Variants in HECTD4 observed in about 807,000 individuals in gnomAD.
HECTD4 encodes probable E3 ubiquitin-protein ligase HECTD4.
HECTD4 carries 114 observed loss-of-function variants against 471.5 expected under a neutral mutation model. The observed-to-expected ratio is 0.24, with a 90% confidence interval of 0.21 to 0.28. HECTD4 has a LOEUF of 0.28. Ranked by LOEUF, HECTD4 falls within the 10% of genes least tolerant of loss-of-function variation. The pLI is 1.00. For missense variants in HECTD4, 3,866 were observed against 5,651.5 expected (o/e 0.68, Z 10.13); for synonymous variants, 2,012 against 2,256.0 (o/e 0.89, Z 3.07).
At chr12:112,380,718 G>A (rs190158394) in intron 1 of HECTD4, among the ~76,000 whole-genome samples, 1 of 152,062 alleles carries the variant, frequency 6.6e-6, no homozygotes, top group Non-Finnish European at 1.5e-5. Context: ...AGTTCATAAC[G>A]GAAGTGCTGA....
At chr12:112,287,764 GAA>G in intron 7 of HECTD4, among the ~76,000 whole-genome samples, 1 of 151,732 alleles carries the variant, frequency 6.6e-6, no homozygotes, top group Non-Finnish European at 1.5e-5. Flanking sequence ...CTAAAAAAAA[GAA>G]AAAAAGAGTT....
At position 112,256,404 on chromosome 12, in the gene HECTD4, A is replaced by G. The variant is rs930841629; in HGVS notation, c.3243T>C (p.Phe1081=). 12 of 1,613,158 alleles carry G rather than the reference A, an allele frequency of 7.4e-6. No homozygotes were observed. The highest frequency in any genetic ancestry group is 9.3e-6 in the Non-Finnish European group (11 of 1,179,584). The change falls in exon 21 of 76, where the codon TTT becomes TTC. Residue 1081 remains phenylalanine (F), a synonymous_variant. Coordinates refer to ENST00000682272, the MANE Select transcript of HECTD4 (RefSeq NM_001388303.1). ...TVHPVRDNYK[F]KETVHIPGAR... Reference sequence around the variant, plus strand: ...CTCCTGGGATATGGACCGTTTCTTTAAATTTATAGTTGTCTCTGACGGGGT... The same window carrying G: ...CTCCTGGGATATGGACCGTTTCTTTGAATTTATAGTTGTCTCTGACGGGGT...
intron 32 of HECTD4, among the ~76,000 whole-genome samples, chr12:112,242,866 G>A (rs1459400595): frequency 2.6e-5 from 4 of 152,128 alleles, no homozygotes; most frequent in East Asian, 1.9e-4. Flanking sequence ...AGCCAAGATC[G>A]TGCTGCTGCA....
In HECTD4 at chr12:112,247,518, T is replaced by C. The variant is rs947787890; in HGVS notation, c.4281A>G (p.Ser1427=). 6.5e-7 allele frequency: 1 copy of C among 1,539,208 alleles called. No homozygotes were observed. The highest frequency in any genetic ancestry group is 8.8e-7 in the Non-Finnish European group (1 of 1,139,674). ...NKMKELELLC[S]MKEVSFDGND... ...TCCCATCAAAGGAGACTTCCTTCATTGAACATAAAAGTTCTAGTTCTTTCA... is the reference window on the plus strand; with the variant it reads ...TCCCATCAAAGGAGACTTCCTTCATCGAACATAAAAGTTCTAGTTCTTTCA... Residue 1427 remains serine, a synonymous_variant, in exon 28 of 76, where the codon TCA becomes TCG. Transcript: ENST00000682272.
Position 112,212,534 on chromosome 12 carries a change from C to T in HECTD4, c.7582G>A (p.Glu2528Lys). 2 of 1,613,870 alleles carry T rather than the reference C, an allele frequency of 1.2e-6. No individual in the cohort carries two copies. The highest frequency in any genetic ancestry group is 1.7e-6 in the Non-Finnish European group (2 of 1,179,790). ...GGCCACATGCCACCAGAGACGTCTT[C>T]AAGATATGGTGAGAGGCGCTGCCCG... Reference protein sequence around the residue: ...YCGQRLSPYLEDVSGGMWPVV... With the variant: ...YCGQRLSPYLKDVSGGMWPVV... The change falls in exon 49 of 76, where the codon GAA becomes AAA. Residue 2528 changes from glutamate (E) to lysine (K), a missense_variant. Glu to Lys is a moderately conservative substitution (Grantham distance 56). This residue lies in a region of HECTD4 where 617 missense variants were observed against 915.1 expected (regional missense o/e 0.67). Transcript: ENST00000682272.
intron 7 of HECTD4, among the ~76,000 whole-genome samples, chr12:112,291,914 G>A (rs2034896920): frequency 1.3e-5 from 2 of 152,082 alleles, no homozygotes; most frequent in African/African-American, 2.4e-5. Context: ...CAATTGGTTT[G>A]TTTGATTCAG....
At position 112,247,001 on chromosome 12, in the gene HECTD4, C is replaced by G; in HGVS notation, c.4413G>C (p.Val1471=). The G allele has an allele frequency of 6.2e-7, 1 of 1,611,856 alleles. No individual in the cohort carries two copies. Among genetic ancestry groups the G allele is most frequent in the Non-Finnish European group, 8.5e-7 (1 of 1,179,708 alleles). The change falls in exon 29 of 76, where the codon GTG becomes GTC. Residue 1471 remains valine, a synonymous_variant. Transcript: ENST00000682272. ...SHPLAKTKTL[V]KSLMNRAELL... is the part of the protein sequence containing the mutation. ...GCTCGGCTCGGTTCATTAAACTCTT[C>G]ACTAACGTCTTTGTTTTAGCCAGTG...
At chr12:112,178,827 C>A in intron 64 of HECTD4, 104 bp downstream of exon 64, 1 of 1,312,162 alleles carries the variant, frequency 7.6e-7, no homozygotes, top group Non-Finnish European at 1.0e-6. Context: ...AAAGGCCTGA[C>A]ACCAGGCTCC....
In HECTD4 at chr12:112,163,456, G is replaced by A. The variant is rs939560243; in HGVS notation, c.12897+86C>T. ...GACAGAGCTGAGACAGGCCACTGCC[G>A]ATGCCTGCTGCTGGAGTTGAGGGTG... On this transcript the variant is annotated intron_variant, in intron 74 of 75. Coordinates refer to ENST00000682272, the MANE Select transcript of HECTD4 (RefSeq NM_001388303.1). This position sits in a 1 kb window ranked among gnomAD's most constrained non-coding sequence, Gnocchi z 8.2. 8 of 1,226,282 alleles carry A rather than the reference G, an allele frequency of 6.5e-6. No individual in the cohort carries two copies. The highest frequency in any genetic ancestry group is 5.2e-5 in the East Asian group (2 of 38,324). The allele number at this position is 1,226,282 out of a possible 1,614,324, so 76.0% of individuals were successfully genotyped here.
At chr12:112,197,225 G>C (rs2032273935) in intron 55 of HECTD4, among the ~76,000 whole-genome samples, 2 of 152,084 alleles carry the variant, frequency 1.3e-5, no homozygotes, top group Admixed American at 1.3e-4. Context: ...AGCTTGTTTT[G>C]GGTCTGACCT....
At chr12:112,281,345 T>C (rs533630489) in intron 8 of HECTD4, among the ~76,000 whole-genome samples, 125 of 152,170 alleles carry the variant, frequency 8.2e-4, no homozygotes, top group Non-Finnish European at 7.3e-4. Flanking sequence ...CTAGTATATG[T>C]GCTGCCAAAG....
chr12:112,244,263 A>G (rs1458217290), intron 29 of HECTD4, among the ~76,000 whole-genome samples: 1 of 152,256 alleles, frequency 6.6e-6, no homozygotes, highest in Non-Finnish European at 1.5e-5. Flanking sequence ...TGAAAAATTC[A>G]TTGAATTTCA....
chr12:112,307,118 A>T (rs1784515767), intron 6 of HECTD4, among the ~76,000 whole-genome samples: 1 of 152,234 alleles, frequency 6.6e-6, no homozygotes, highest in Non-Finnish European at 1.5e-5. Context: ...AAAAATAATT[A>T]GAGAAAGTCA....
In HECTD4 at chr12:112,173,927, T is replaced by C. The variant is rs375723720; in HGVS notation, c.11595-1066A>G. Among the ~76,000 whole-genome samples the C allele has an allele frequency of 9.2e-5, 14 of 151,930 alleles. No individual in the cohort carries two copies. Among genetic ancestry groups the C allele is most frequent in the East Asian group, 3.9e-4 (2 of 5,192 alleles). The stretch of plus-strand genomic sequence containing the variant: ...CAAGCAGTAAAGCATTTCTCAATTC[T>C]GAAAATGGATTTTTAAAAAAAGCAT... On this transcript the variant is annotated intron_variant, in intron 66 of 75. Transcript: ENST00000682272. The surrounding 1 kb of genome is among the most constrained non-coding windows in gnomAD (Gnocchi z 4.3).
rs2031799880 is a variant in HECTD4, at chr12:112,184,793, G to A, written c.10173C>T (p.Gly3391=). ...CCAGCAAGCGGCTGTGGGCGGTGGG[G>A]CCCACCAGGGCCTGGCAGGCATCGG... is the stretch of plus-strand genomic sequence containing the variant. The part of the protein sequence containing the change: ...AIADACQALV[G]PTAHSRLLVI... Residue 3391 remains glycine (G), a synonymous_variant, in exon 61 of 76, where the codon GGC becomes GGT. Transcript: ENST00000682272. This position sits in a 1 kb window ranked among gnomAD's most constrained non-coding sequence, Gnocchi z 9.1. The A allele has an allele frequency of 6.2e-7, 1 of 1,610,648 alleles. No homozygotes were observed. The highest frequency in any genetic ancestry group is 1.3e-5 in the African/African-American group (1 of 75,000).
intron 45 of HECTD4, among the ~76,000 whole-genome samples, chr12:112,218,697 T>C (rs1293630546): frequency 6.6e-6 from 1 of 152,228 alleles, no homozygotes; most frequent in African/African-American, 2.4e-5. Flanking sequence ...TGAATAATGC[T>C]GCTAAGAACA....
At chr12:112,365,319 C>G (rs2036536192) in intron 1 of HECTD4, among the ~76,000 whole-genome samples, 1 of 152,046 alleles carries the variant, frequency 6.6e-6, no homozygotes, top group Admixed American at 6.6e-5. Context: ...GAGGCTGAGC[C>G]CAGGAGTTCA....
In HECTD4 at chr12:112,192,603, G is replaced by T; in HGVS notation, c.9249C>A (p.Tyr3083Ter). 6.2e-7 allele frequency: 1 copy of T among 1,607,894 alleles called. No individual in the cohort carries two copies. The highest frequency in any genetic ancestry group is 8.5e-7 in the Non-Finnish European group (1 of 1,177,226). The change falls in exon 59 of 76, where the codon TAC becomes TAA. Residue 3083 changes from tyrosine to a stop codon, truncating the protein, a stop_gained. Transcript: ENST00000682272. LOFTEE classifies it high-confidence loss of function. ...GLAPPPTADQ[Y>*]PSVVLSTDRV... ...TGTCTGTGGAGAGGACCACAGAGGG[G>T]TACTGGTCAGCGGTGGGGGGAGGTG...
rs2030777601 is a variant in HECTD4 at position 112,163,313 on chromosome 12, C to T, written c.12898-49G>A. On this transcript the variant is annotated intron_variant, in intron 74 of 75. Coordinates refer to ENST00000682272, the MANE Select transcript of HECTD4 (RefSeq NM_001388303.1). This position sits in a 1 kb window ranked among gnomAD's most constrained non-coding sequence, Gnocchi z 8.2. ...CAGGAGCCCTGGAGCCCCACCTACC[C>T]AGTGCCTCCCCAGCCCTGGGGTCTG... 1 of 1,527,422 alleles carries T rather than the reference C, an allele frequency of 6.5e-7. No individual in the cohort carries two copies. Among genetic ancestry groups the T allele is most frequent in the African/African-American group, 1.4e-5 (1 of 73,296 alleles). The allele number at this position is 1,527,422 out of a possible 1,614,324, so 94.6% of individuals were successfully genotyped here. A position where few individuals can be genotyped will look rare whatever the true frequency, so the allele number is the denominator to read the frequency against.
Sources: gnomAD v4.1 joint callset for allele counts (sites outside exome capture counted in the v4.1 genomes callset) on GRCh38, gnomAD v4.1.1 for gene constraint, gnomAD v4.1.1 regional missense constraint, Gnocchi (gnomAD v3.1) non-coding constraint, MANE v1.5 for transcripts, NCBI Gene and HGNC (gene_info 2026-07-23, HGNC 2026-07-21) for gene names.